Variants in NBEA observed in about 807,000 individuals in gnomAD.
The protein encoded by NBEA is lysosomal-trafficking regulator 2.
In NBEA, 44 loss-of-function variants were observed where a neutral mutation model predicts 343.4. The observed-to-expected ratio is 0.13, with a 90% CI of 0.10 to 0.16. The LOEUF (loss-of-function observed/expected upper bound fraction) is 0.16, where lower values mean the gene tolerates loss of function less well. Among genes scored for constraint, NBEA ranks in the 10% least tolerant of loss-of-function variants. The pLI, the probability that NBEA is intolerant of heterozygous loss-of-function variation, is 1.00. For synonymous variants in NBEA, 1,175 were observed against 1,238.7 expected, an observed-to-expected ratio of 0.95 and a Z score of 1.08; for missense variants, 2,555 against 3,631.3, an observed-to-expected ratio of 0.70 and a Z score of 7.62.
intron 40 of NBEA, among the ~76,000 whole-genome samples, chr13:35,466,751 G>A (rs955041904): frequency 3.9e-5 from 6 of 152,130 alleles, no homozygotes; most frequent in South Asian, 4.1e-4. Context: ...TTACAAGTGT[G>A]AGCCACCATG....
intron 13 of NBEA, among the ~76,000 whole-genome samples, chr13:35,114,514 G>GT (rs1280988771): frequency 2.0e-5 from 3 of 152,064 alleles, no homozygotes; most frequent in African/African-American, 7.2e-5. Flanking sequence ...AGCCCCAGTT[G>GT]TTTCTTTGGC....
chr13:35,637,283 A>G (rs1222224669), intron 49 of NBEA, among the ~76,000 whole-genome samples: 1 of 152,218 alleles, frequency 6.6e-6, no homozygotes, highest in Non-Finnish European at 1.5e-5. Context: ...CTATCAAAAT[A>G]GAAAATAACA....
intron 40 of NBEA, among the ~76,000 whole-genome samples, chr13:35,462,889 G>T (rs1331321399): frequency 6.6e-6 from 1 of 152,186 alleles, no homozygotes; most frequent in Non-Finnish European, 1.5e-5. Flanking sequence ...TGGTCTAGAA[G>T]CTATTAACTG....
At chr13:35,253,357 A>C (rs2032205786) in intron 34 of NBEA, among the ~76,000 whole-genome samples, 1 of 152,218 alleles carries the variant, frequency 6.6e-6, no homozygotes, top group African/African-American at 2.4e-5. Flanking sequence ...ATTTTTTAGC[A>C]ATGGTATATT....
chr13:35,146,615 G>T (rs2068443590), intron 18 of NBEA, among the ~76,000 whole-genome samples: 1 of 152,020 alleles, frequency 6.6e-6, no homozygotes, highest in South Asian at 2.1e-4. Flanking sequence ...GCTGGGACAG[G>T]TATTGCGCCT....
At chr13:35,226,467 A>T (rs559261667) in intron 33 of NBEA, among the ~76,000 whole-genome samples, 1 of 152,188 alleles carries the variant, frequency 6.6e-6, no homozygotes, top group African/African-American at 2.4e-5. Flanking sequence ...TATTTTTTTA[A>T]ATATACGAAA....
At chr13:34,945,698 T>G (rs1409537690) in intron 1 of NBEA, among the ~76,000 whole-genome samples, 1 of 152,132 alleles carries the variant, frequency 6.6e-6, no homozygotes, top group Non-Finnish European at 1.5e-5. Context: ...AAAGAGGAGT[T>G]TCTACCTTAA....
chr13:35,020,093 G>A (rs1306252667), intron 1 of NBEA, among the ~76,000 whole-genome samples: 2 of 151,860 alleles, frequency 1.3e-5, no homozygotes, highest in Non-Finnish European at 2.9e-5. Flanking sequence ...TCTTAATGTG[G>A]AACCTAAGGT....
At chr13:35,519,012 G>A (rs541693024) in intron 41 of NBEA, among the ~76,000 whole-genome samples, 1 of 152,264 alleles carries the variant, frequency 6.6e-6, no homozygotes, top group African/African-American at 2.4e-5. Context: ...GCTTCGTTGT[G>A]AAAGGAAAAA....
chr13:35,359,031 A>G (rs539705764), intron 38 of NBEA, among the ~76,000 whole-genome samples: 1 of 152,308 alleles, frequency 6.6e-6, no homozygotes, highest in South Asian at 2.1e-4. Flanking sequence ...AGGCTGGAGA[A>G]TAACATGAGC....
At chr13:34,958,652 T>C (rs2059570578) in intron 1 of NBEA, among the ~76,000 whole-genome samples, 1 of 152,046 alleles carries the variant, frequency 6.6e-6, no homozygotes, top group Admixed American at 6.6e-5. Context: ...TGCCTGCCCT[T>C]GAGAGTAGGA....
At chr13:35,283,943 T>A (rs74048976) in intron 34 of NBEA, among the ~76,000 whole-genome samples, 2,207 of 152,060 alleles carry the variant, frequency 0.015, 49 homozygotes, top group African/African-American at 0.05. Context: ...GTTTTTCTTT[T>A]TCCTTTTCTC....
chr13:35,362,067 A>G (rs1219223573), intron 38 of NBEA, among the ~76,000 whole-genome samples: 1 of 151,996 alleles, frequency 6.6e-6, no homozygotes, highest in Admixed American at 6.6e-5. Flanking sequence ...TTAAAACTTT[A>G]AAAAAATACA....
At chr13:35,606,042 T>C (rs1348622918) in intron 47 of NBEA, among the ~76,000 whole-genome samples, 13 of 152,284 alleles carry the variant, frequency 8.5e-5, no homozygotes, top group Admixed American at 5.9e-4. Context: ...ATTTGGATAG[T>C]TCATAAATTT....
intron 22 of NBEA, among the ~76,000 whole-genome samples, chr13:35,160,595 A>G (rs1290533538): frequency 1.3e-5 from 2 of 152,128 alleles, no homozygotes; most frequent in Non-Finnish European, 2.9e-5. Flanking sequence ...CCTGTGAGGT[A>G]GGTAATATGG....
At chr13:35,063,095 C>T (rs2063522209) in intron 8 of NBEA, among the ~76,000 whole-genome samples, 1 of 151,916 alleles carries the variant, frequency 6.6e-6, no homozygotes, top group Admixed American at 6.6e-5. Flanking sequence ...TGAAAGGTAA[C>T]AAAAGCTCAG....
chr13:35,010,741 A>AAAATAT (rs1555275017), intron 1 of NBEA, among the ~76,000 whole-genome samples: 48 of 31,920 alleles, frequency 1.5e-3, no homozygotes, highest in African/African-American at 4.3e-3. Context: ...AAAAAAAAAA[A>AAAATAT]ATATATATAT....
chr13:35,209,567 A>G (rs1011187102), intron 32 of NBEA, among the ~76,000 whole-genome samples: 2 of 152,094 alleles, frequency 1.3e-5, no homozygotes, highest in South Asian at 2.1e-4. Context: ...TCCTTACCCA[A>G]ATCTTTGTGA....
intron 44 of NBEA, 130 bp from the exon 45 acceptor site, chr13:35,566,775 G>T: frequency 1.8e-6 from 1 of 559,988 alleles, no homozygotes; most frequent in Non-Finnish European, 3.2e-6. Context: ...ATTGTTATCA[G>T]AGTTAAAGAT....
Sources: gnomAD v4.1 joint callset for allele counts (sites outside exome capture counted in the v4.1 genomes callset) on GRCh38, gnomAD v4.1.1 for gene constraint, MANE v1.5 for transcripts, NCBI Gene and HGNC (gene_info 2026-07-23, HGNC 2026-07-21) for gene names.